WDR70: variants seen among roughly 807,000 people sequenced by gnomAD.
WDR70 encodes WD repeat-containing protein 70.
A neutral mutation model predicts 88.6 loss-of-function variants in WDR70; 53 were observed. The ratio of observed to expected loss-of-function variants is 0.60; its 90% CI spans 0.48 to 0.75. The LOEUF is 0.75. WDR70 is among the 30% of genes least tolerant of loss of function. The probability of loss-of-function intolerance (pLI) is 0.00; values close to 1 mark genes in which losing one functional copy is unlikely to be tolerated. For synonymous variants in WDR70, 280 were observed against 270.0 expected (o/e 1.04, Z -0.36); for missense variants, 610 against 823.2 (o/e 0.74, Z 3.17).
chr5:37,665,540 A>G (rs910512300), intron 10 of WDR70, among the ~76,000 whole-genome samples: 13 of 152,240 alleles, frequency 8.5e-5, no homozygotes, highest in Non-Finnish European at 1.8e-4. Flanking sequence ...TGCCACAACA[A>G]AGTCAGCAAA....
rs557853358 is a variant in WDR70, at chr5:37,489,833, T to C, written c.840+9846T>C. 2.0e-5 allele frequency among the ~76,000 whole-genome samples: 3 copies of C among 151,970 alleles called. No homozygotes were observed. The South Asian group carries it at 6.2e-4, about 32-fold the overall frequency. ...ATTATACTTTAAGTTTTAGGGTACA[T>C]GTGCACAATGTGCAGGTTAGTTACA... On this transcript the variant is annotated intron_variant, in intron 8 of 17. Transcript: ENST00000265107.
chr5:37,519,428 C>T (rs878980719), intron 9 of WDR70, among the ~76,000 whole-genome samples: 59 of 137,138 alleles, frequency 4.3e-4, no homozygotes, highest in East Asian at 1.8e-3. Context: ...ACGGGGCGGC[C>T]GGGCGGAGGC....
At chr5:37,689,608 A>C (rs1186920060) in intron 10 of WDR70, among the ~76,000 whole-genome samples, 2 of 152,222 alleles carry the variant, frequency 1.3e-5, no homozygotes, top group Non-Finnish European at 2.9e-5. Context: ...ACAGACCTGC[A>C]GCTGAGGGAC....
At chr5:37,742,872 T>C (rs1246181537) in intron 17 of WDR70, among the ~76,000 whole-genome samples, 1 of 152,174 alleles carries the variant, frequency 6.6e-6, no homozygotes, top group Non-Finnish European at 1.5e-5. Context: ...AAAAAACAGG[T>C]GGTAAACAAG....
At position 37,451,167 on chromosome 5, in the gene WDR70, G is replaced by A. The variant is rs555667126; in HGVS notation, c.686+7795G>A. Among the ~76,000 whole-genome samples, 5 of 152,198 alleles carry A rather than the reference G, an allele frequency of 3.3e-5. No homozygotes were observed. In the South Asian group the frequency reaches 1.0e-3, roughly 32 times the overall value. ...CCCGTCTTGGTCTCCCAAAGTGCTG[G>A]GATTACAGACGTGAGCCATTGCCTC... is the stretch of plus-strand genomic sequence containing the variant. On this transcript the variant is annotated intron_variant, in intron 7 of 17. Coordinates refer to ENST00000265107, the MANE Select transcript of WDR70 (RefSeq NM_018034.4).
At chr5:37,442,984 G>T (rs1750701369) in intron 6 of WDR70, among the ~76,000 whole-genome samples, 1 of 152,172 alleles carries the variant, frequency 6.6e-6, no homozygotes, top group Non-Finnish European at 1.5e-5. Context: ...TGAATACATG[G>T]TTGATGATTT....
chr5:37,654,058 C>A (rs1467811088), intron 10 of WDR70, among the ~76,000 whole-genome samples: 1 of 152,096 alleles, frequency 6.6e-6, no homozygotes, highest in Non-Finnish European at 1.5e-5. Context: ...TTAGATGTTT[C>A]CCGCTTTCTC....
intron 9 of WDR70, among the ~76,000 whole-genome samples, chr5:37,530,443 TC>T (rs1305650112): frequency 6.6e-6 from 1 of 152,112 alleles, no homozygotes; most frequent in Non-Finnish European, 1.5e-5. Flanking sequence ...AGATTTTTTT[TC>T]GTTGGCAATT....
rs150327220 is a variant in WDR70 at position 37,537,985 on chromosome 5, T to C, written c.917+21395T>C. Reference sequence around the variant, plus strand: ...GAGGGCCTTTGGGCAAAATTCACTCTATATTTCTTAGAGAATCTTATATAT... The same window carrying C: ...GAGGGCCTTTGGGCAAAATTCACTCCATATTTCTTAGAGAATCTTATATAT... On this transcript the variant is annotated intron_variant, in intron 9 of 17. Coordinates refer to ENST00000265107, the MANE Select transcript of WDR70 (RefSeq NM_018034.4). 2.9e-3 allele frequency among the ~76,000 whole-genome samples: 445 copies of C among 152,328 alleles called. 2 individuals are homozygous for C. The highest frequency in any genetic ancestry group is 0.01 in the African/African-American group (419 of 41,584).
chr5:37,439,986 A>G (rs977724081), intron 6 of WDR70, among the ~76,000 whole-genome samples: 2 of 152,120 alleles, frequency 1.3e-5, no homozygotes, highest in African/African-American at 4.8e-5. Flanking sequence ...ATCTTTATAT[A>G]TCTATTTTTT....
At chr5:37,541,134 T>C (rs940123852) in intron 9 of WDR70, among the ~76,000 whole-genome samples, 4 of 152,230 alleles carry the variant, frequency 2.6e-5, no homozygotes, top group African/African-American at 9.6e-5. Context: ...GAAGTGCTTG[T>C]TTGTCCACCT....
intron 17 of WDR70, among the ~76,000 whole-genome samples, chr5:37,727,869 C>A (rs1240370815): frequency 6.6e-6 from 1 of 152,164 alleles, no homozygotes; most frequent in African/African-American, 2.4e-5. Flanking sequence ...AGCCACTCCA[C>A]CTGGCCAGAA....
intron 10 of WDR70, among the ~76,000 whole-genome samples, chr5:37,635,812 C>T (rs188665977): frequency 1.8e-4 from 28 of 152,190 alleles, no homozygotes; most frequent in African/African-American, 6.7e-4. Context: ...CACATGATCC[C>T]CATGTGTCAT....
chr5:37,730,465 T>G (rs1046637767), intron 17 of WDR70, among the ~76,000 whole-genome samples: 6 of 151,996 alleles, frequency 3.9e-5, no homozygotes, highest in Non-Finnish European at 5.9e-5. Context: ...TTTTTGGCTT[T>G]GCTTCTTTTT....
intron 8 of WDR70, among the ~76,000 whole-genome samples, chr5:37,514,662 C>T (rs1038034419): frequency 5.3e-5 from 8 of 151,778 alleles, no homozygotes; most frequent in African/African-American, 1.9e-4. Flanking sequence ...GTTTTCTGTT[C>T]CTACGTTAGA....
intron 5 of WDR70, among the ~76,000 whole-genome samples, chr5:37,398,312 T>C (rs1211024662): frequency 1.3e-5 from 2 of 151,596 alleles, no homozygotes; most frequent in Non-Finnish European, 2.9e-5. Flanking sequence ...ATGGTCTCGA[T>C]CTCCTGACCT....
At chr5:37,609,968 G>A (rs1744139922) in intron 10 of WDR70, among the ~76,000 whole-genome samples, 1 of 152,164 alleles carries the variant, frequency 6.6e-6, no homozygotes, top group Non-Finnish European at 1.5e-5. Context: ...ATGTCTTTCT[G>A]CATCCTTCTT....
chr5:37,708,389 TGTG>T lies in WDR70; in HGVS notation c.1416+5305_1416+5307del, dbSNP rs534701301. 2.6e-3 allele frequency among the ~76,000 whole-genome samples: 397 copies of T among 151,956 alleles called. 2 individuals are homozygous for T. The highest frequency in any genetic ancestry group is 9.3e-3 in the African/African-American group (385 of 41,514). On this transcript the variant is annotated intron_variant, in intron 13 of 17. Coordinates refer to ENST00000265107, the MANE Select transcript of WDR70 (RefSeq NM_018034.4). ...TTTCAAGTTGATTGAAAAGGCCTGG[TGTG>T]GTATAAATGTTATATATAACATATA... is the stretch of plus-strand genomic sequence containing the variant.
At chr5:37,407,789 C>T (rs1265185003) in intron 5 of WDR70, among the ~76,000 whole-genome samples, 16 of 151,770 alleles carry the variant, frequency 1.1e-4, no homozygotes, top group Admixed American at 9.2e-4. Flanking sequence ...TTGGCCTCCC[C>T]AAGTGCTAAG....
Sources: gnomAD v4.1 joint callset for allele counts (sites outside exome capture counted in the v4.1 genomes callset) on GRCh38, gnomAD v4.1.1 for gene constraint, MANE v1.5 for transcripts, NCBI Gene and HGNC (gene_info 2026-07-23, HGNC 2026-07-21) for gene names.